DENND2B: variants seen among roughly 807,000 people sequenced by gnomAD.
DENND2B encodes the protein DENN domain-containing protein 2B.
Under a neutral mutation model 116.0 loss-of-function variants are expected in DENND2B, and 32 were observed. That is an observed-to-expected ratio of 0.28 (90% confidence interval 0.21 to 0.37). DENND2B has a LOEUF of 0.37. Among genes scored for constraint, DENND2B ranks in the 10% least tolerant of loss-of-function variants. The pLI, the probability that DENND2B is intolerant of heterozygous loss-of-function variation, is 1.00. For synonymous variants in DENND2B, 588 were observed against 583.9 expected (o/e 1.01, Z -0.10); for missense variants, 1,276 against 1,477.7 (o/e 0.86, Z 2.24).
rs147305825 is a variant in DENND2B at position 8,778,806 on chromosome 11, C to T, written c.-25-28081G>A. Among the ~76,000 whole-genome samples, 184 of 152,328 alleles carry T rather than the reference C, an allele frequency of 1.2e-3. 1 individual carries two copies. The Middle Eastern group carries it at 0.02, about 17-fold the overall frequency. Reference sequence around the variant, plus strand: ...CACCTGCCTAAATGCTGATTACTGTCGAAAGGCAGAGCTTCAGAAGCCAGA... The same window carrying T: ...CACCTGCCTAAATGCTGATTACTGTTGAAAGGCAGAGCTTCAGAAGCCAGA... On this transcript the variant is annotated intron_variant, in intron 1 of 19. Transcript: ENST00000313726.
chr11:8,869,105 G>A (rs1351512664), intron 2 of DENND2B, among the ~76,000 whole-genome samples: 1 of 152,150 alleles, frequency 6.6e-6, no homozygotes, highest in South Asian at 2.1e-4. Flanking sequence ...CCTGTTCTAA[G>A]CCAATTGATC....
At chr11:8,851,369 A>G (rs1404621574) in intron 3 of DENND2B, among the ~76,000 whole-genome samples, 1 of 152,168 alleles carries the variant, frequency 6.6e-6, no homozygotes, top group Non-Finnish European at 1.5e-5. Flanking sequence ...TAGAAATTAA[A>G]CGGCCATTAA....
At chr11:8,864,316 G>A (rs903013602) in intron 2 of DENND2B, among the ~76,000 whole-genome samples, 2 of 152,162 alleles carry the variant, frequency 1.3e-5, no homozygotes, top group African/African-American at 2.4e-5. Flanking sequence ...TGCTCAGGCT[G>A]GAGTGTAGTG....
chr11:8,726,474 G>C (rs1254551569), intron 3 of DENND2B, among the ~76,000 whole-genome samples: 1 of 152,192 alleles, frequency 6.6e-6, no homozygotes, highest in Admixed American at 6.5e-5. Context: ...TGCTGTTCCA[G>C]GTGCTGCGTC....
At chr11:8,858,141 T>A (rs572181594) in intron 2 of DENND2B, among the ~76,000 whole-genome samples, 1 of 152,200 alleles carries the variant, frequency 6.6e-6, no homozygotes, top group African/African-American at 2.4e-5. Context: ...TGTACCTCCC[T>A]TTCCTCTCCA....
Position 8,781,483 on chromosome 11 carries a change from T to C in DENND2B, c.-26+29034A>G, listed in dbSNP as rs115967429. On this transcript the variant is annotated intron_variant, in intron 1 of 19. Transcript: ENST00000313726. ...CCACCAAAGAAGGGGCAATACCACT[T>C]TTTGTCTATTACACTGGGCAAGATG... Among the ~76,000 whole-genome samples the C allele has an allele frequency of 5.4e-3, 824 of 152,260 alleles. 11 individuals carry two copies. The highest frequency in any genetic ancestry group is 0.019 in the African/African-American group (769 of 41,540).
At chr11:8,718,404 G>C (rs181078214) in intron 4 of DENND2B, 1 of 1,531,692 alleles carries the variant, frequency 6.5e-7, no homozygotes, top group Non-Finnish European at 8.7e-7. Context: ...TAGGGAGCAG[G>C]GCTTCGCCAG....
At chr11:8,791,350 G>C (rs1428657944) in intron 1 of DENND2B, among the ~76,000 whole-genome samples, 1 of 152,168 alleles carries the variant, frequency 6.6e-6, no homozygotes, top group Admixed American at 6.6e-5. Flanking sequence ...AAGAAATCTG[G>C]TTGTATCGTA....
intron 1 of DENND2B, among the ~76,000 whole-genome samples, chr11:8,760,776 CT>C (rs894647711): frequency 6.6e-6 from 1 of 152,142 alleles, no homozygotes; most frequent in African/African-American, 2.4e-5. Context: ...CCAGAAAGCC[CT>C]TCAAGGAAAA....
chr11:8,896,435 G>A lies in DENND2B; in HGVS notation c.-256+14386C>T, dbSNP rs143307762. Among the ~76,000 whole-genome samples, 1,456 of 152,234 alleles carry A rather than the reference G, an allele frequency of 9.6e-3. 14 individuals are homozygous for A. The highest frequency in any genetic ancestry group is 0.028 in the African/African-American group (1,153 of 41,548). On this transcript the variant is annotated intron_variant, in intron 1 of 22. Transcript: ENST00000534127. Reference sequence around the variant, plus strand: ...ATTTTTGAAAACTGCTGGATCTGTCGGGAAATACTGTGACCTTTTTTAGGT... The same window carrying A: ...ATTTTTGAAAACTGCTGGATCTGTCAGGAAATACTGTGACCTTTTTTAGGT...
chr11:8,767,954 G>T (rs2056164195), intron 1 of DENND2B, among the ~76,000 whole-genome samples: 2 of 152,174 alleles, frequency 1.3e-5, no homozygotes, highest in Admixed American at 1.3e-4. Context: ...CAAGCCACTG[G>T]CAGCAAGGGT....
chr11:8,800,190 A>G (rs4929913), intron 1 of DENND2B, among the ~76,000 whole-genome samples: 146,158 of 152,196 alleles, frequency 0.96, 70,452 homozygotes, highest in East Asian at 1. Context: ...CTGGCCTCAA[A>G]CAATCCTCCT....
Position 8,730,394 on chromosome 11 carries a change from C to A in DENND2B, c.896G>T (p.Gly299Val), listed in dbSNP as rs747825086. 9 of 1,605,706 alleles carry A rather than the reference C, an allele frequency of 5.6e-6. No individual in the cohort carries two copies. The highest frequency in any genetic ancestry group is 1.7e-4 in the Middle Eastern group (1 of 6,060). ...GCAGCTGCTGGGGAGCTGGGGGAGC[C>A]CCCGGCCCGGCTGCTCCTTCAGGAC... is the stretch of plus-strand genomic sequence containing the variant. ...EQVLKEQPGR[G>V]LPQLPSSCYS... Residue 299 changes from glycine (G) to valine (V), a missense_variant, in exon 3 of 20, where the codon GGG becomes GTG. By Grantham distance (109) the Gly-to-Val change is moderately radical (BLOSUM62 -3). Coordinates refer to ENST00000313726, the MANE Select transcript of DENND2B (RefSeq NM_213618.2). The surrounding 1 kb of genome is among the most constrained non-coding windows in gnomAD (Gnocchi z 4.1).
intron 2 of DENND2B, among the ~76,000 whole-genome samples, chr11:8,864,532 A>C (rs962626513): frequency 6.6e-6 from 1 of 152,240 alleles, no homozygotes; most frequent in African/African-American, 2.4e-5. Context: ...GGCCTCCCAA[A>C]GTGCTGGGAT....
chr11:8,906,761 A>G (rs566787577), intron 1 of DENND2B, among the ~76,000 whole-genome samples: 9 of 152,232 alleles, frequency 5.9e-5, no homozygotes, highest in African/African-American at 2.2e-4. Flanking sequence ...CATTCCCCCA[A>G]TAACCCAGTG....
At chr11:8,804,424 G>A (rs1029594209) in intron 1 of DENND2B, among the ~76,000 whole-genome samples, 11 of 152,252 alleles carry the variant, frequency 7.2e-5, no homozygotes, top group African/African-American at 2.6e-4. Context: ...TGAGAGGTGG[G>A]GAGGAAATCC....
At chr11:8,874,639 G>A (rs1212193083), upstream of DENND2B, among the ~76,000 whole-genome samples, 1 of 152,026 alleles carries the variant, frequency 6.6e-6, no homozygotes, top group Non-Finnish European at 1.5e-5. Flanking sequence ...GGGCAGTGAG[G>A]GTTGGGTTCA....
rs1252930248 is a variant in DENND2B at position 8,802,748 on chromosome 11, G to C, written c.-26+7769C>G. 3.9e-5 allele frequency among the ~76,000 whole-genome samples: 6 copies of C among 152,278 alleles called. No homozygotes were observed. The South Asian group carries it at 1.2e-3, about 32-fold the overall frequency. ...ATGGAAATATTTATTCAAAGACCTG[G>C]TCTAAGGCTACAGAGCCAAACAAAT... is the stretch of plus-strand genomic sequence containing the variant. On this transcript the variant is annotated intron_variant, in intron 1 of 19. Coordinates refer to ENST00000313726, the MANE Select transcript of DENND2B (RefSeq NM_213618.2).
Position 8,876,714 on chromosome 11 carries a change from T to TA in DENND2B, c.-156+4295dup, listed in dbSNP as rs1295090804. 3.3e-5 allele frequency among the ~76,000 whole-genome samples: 5 copies of TA among 151,844 alleles called. No homozygotes were observed. In the South Asian group the frequency reaches 1.0e-3, roughly 32 times the overall value. On this transcript the variant is annotated intron_variant, in intron 2 of 22. Transcript: ENST00000534127. Reference sequence around the variant, plus strand: ...CAACATGGTGAAACCCCGTCTCTTCTAAAAAATACAAAAATTAGCCAAGCA... The same window carrying TA: ...CAACATGGTGAAACCCCGTCTCTTCTAAAAAAATACAAAAATTAGCCAAGCA...
Sources: allele counts gnomAD v4.1 joint callset (sites outside exome capture counted in the v4.1 genomes callset), GRCh38; gene constraint gnomAD v4.1.1; non-coding constraint Gnocchi (gnomAD v3.1); transcripts MANE v1.5; gene names NCBI Gene and HGNC (gene_info 2026-07-23, HGNC 2026-07-21).